Variants in JAZF1 observed in about 807,000 individuals in gnomAD.
JAZF1 encodes the protein JAZF zinc finger 1.
In JAZF1, 8 loss-of-function variants were observed where a neutral mutation model predicts 26.4. The ratio of observed to expected loss-of-function variants is 0.30; its 90% CI spans 0.18 to 0.55. The LOEUF (loss-of-function observed/expected upper bound fraction) is 0.55. Ranked by LOEUF, JAZF1 falls within the 20% of genes least tolerant of loss-of-function variation. The pLI is 0.94. For missense variants in JAZF1, 199 were observed against 322.0 expected, an observed-to-expected ratio of 0.62 and a Z score of 2.92; for synonymous variants, 126 against 122.3, an observed-to-expected ratio of 1.03 and a Z score of -0.20.
chr7:27,978,722 C>T (rs1437790500), intron 2 of JAZF1, among the ~76,000 whole-genome samples: 1 of 152,106 alleles, frequency 6.6e-6, no homozygotes, highest in African/African-American at 2.4e-5. Flanking sequence ...TATATTACTC[C>T]TCTTGGAGAC....
At chr7:28,071,924 C>G (rs911800992) in intron 1 of JAZF1, among the ~76,000 whole-genome samples, 57 of 152,300 alleles carry the variant, frequency 3.7e-4, no homozygotes, top group African/African-American at 1.3e-3. Context: ...CAAAAGAGCT[C>G]ATTTTAACTT....
At chr7:27,946,475 GA>G (rs1280786918) in intron 2 of JAZF1, among the ~76,000 whole-genome samples, 5 of 152,236 alleles carry the variant, frequency 3.3e-5, no homozygotes, top group East Asian at 3.9e-4. Flanking sequence ...AATTCTCCTG[GA>G]AAAAACATCC....
chr7:28,091,838 C>T (rs894599502), intron 1 of JAZF1, among the ~76,000 whole-genome samples: 5 of 151,952 alleles, frequency 3.3e-5, no homozygotes, highest in Admixed American at 3.3e-4. Flanking sequence ...GATGATGGGT[C>T]CTTGAATCCT....
intron 1 of JAZF1, among the ~76,000 whole-genome samples, chr7:28,012,321 G>C (rs558724355): frequency 6.6e-6 from 1 of 152,252 alleles, no homozygotes; most frequent in East Asian, 1.9e-4. Flanking sequence ...CATGGTAACA[G>C]GGCACAGCAA....
At chr7:28,039,354 G>C (rs1783350360) in intron 1 of JAZF1, among the ~76,000 whole-genome samples, 1 of 152,168 alleles carries the variant, frequency 6.6e-6, no homozygotes, top group Non-Finnish European at 1.5e-5. Flanking sequence ...TGAGGTTCAG[G>C]AAGTGACAGA....
intron 1 of JAZF1, among the ~76,000 whole-genome samples, chr7:28,008,257 C>T (rs1194183415): frequency 6.6e-6 from 1 of 151,950 alleles, no homozygotes; most frequent in Non-Finnish European, 1.5e-5. Context: ...GTGTCTGTTG[C>T]CCCGGCTGCA....
chr7:27,849,410 C>T (rs1783088668), intron 3 of JAZF1, among the ~76,000 whole-genome samples: 1 of 152,150 alleles, frequency 6.6e-6, no homozygotes, highest in African/African-American at 2.4e-5. Flanking sequence ...AAATGGTGTT[C>T]GCTAATGTTA....
At chr7:28,125,128 A>G (rs1213543102) in intron 1 of JAZF1, among the ~76,000 whole-genome samples, 2 of 146,024 alleles carry the variant, frequency 1.4e-5, no homozygotes, top group East Asian at 2.0e-4. Flanking sequence ...AGGTGCAATT[A>G]TGGAACAGGG....
At chr7:27,883,678 T>G (rs937380444) in intron 3 of JAZF1, among the ~76,000 whole-genome samples, 7 of 152,184 alleles carry the variant, frequency 4.6e-5, no homozygotes, top group African/African-American at 1.7e-4. Flanking sequence ...GAAGCACTCT[T>G]TATCTCATGG....
chr7:28,010,764 G>A (rs913401951), intron 1 of JAZF1, among the ~76,000 whole-genome samples: 2 of 152,244 alleles, frequency 1.3e-5, no homozygotes, highest in African/African-American at 2.4e-5. Flanking sequence ...TTTAGCACAA[G>A]GGCTGGTAAA....
chr7:28,101,269 T>C (rs561542132), intron 1 of JAZF1, among the ~76,000 whole-genome samples: 1 of 152,316 alleles, frequency 6.6e-6, no homozygotes, highest in South Asian at 2.1e-4. Context: ...TTTTCAATGT[T>C]TTAGCTCTTG....
chr7:27,844,292 T>G (rs948291102), intron 3 of JAZF1: 1 of 152,272 alleles, frequency 6.6e-6, no homozygotes, highest in Non-Finnish European at 1.5e-5. Flanking sequence ...TGGGCCAGCC[T>G]CTGTCCTCTG....
chr7:28,069,379 G>A (rs1783934793), intron 1 of JAZF1, among the ~76,000 whole-genome samples: 1 of 152,182 alleles, frequency 6.6e-6, no homozygotes, highest in South Asian at 2.1e-4. Context: ...TGGGGATTTT[G>A]CCTTGTTCTA....
intron 1 of JAZF1, among the ~76,000 whole-genome samples, chr7:28,062,018 AT>A (rs1388268830): frequency 3.9e-5 from 6 of 152,174 alleles, no homozygotes; most frequent in Admixed American, 2.6e-4. Context: ...AAACCACAGA[AT>A]TTTTTACTGA....
In JAZF1 at chr7:28,168,175, G is replaced by A. The variant is rs1166238683; in HGVS notation, c.115+12288C>T. ...AGGCGGGTGGATCATGAGGTCAGGA[G>A]ATCGAGACCATCCTGGCTAACATGG... On this transcript the variant is annotated intron_variant, in intron 1 of 4. Coordinates refer to ENST00000283928, the MANE Select transcript of JAZF1 (RefSeq NM_175061.4). 2.0e-5 allele frequency among the ~76,000 whole-genome samples: 3 copies of A among 152,100 alleles called. No individual in the cohort carries two copies. The East Asian group carries it at 5.8e-4, about 29-fold the overall frequency.
intron 1 of JAZF1, among the ~76,000 whole-genome samples, chr7:28,160,316 C>G (rs1165817256): frequency 1.3e-5 from 2 of 152,190 alleles, no homozygotes; most frequent in Non-Finnish European, 2.9e-5. Flanking sequence ...TCTCTCCCCT[C>G]ACCCTGTTCT....
chr7:27,899,784 C>T (rs1784137718), intron 2 of JAZF1, among the ~76,000 whole-genome samples: 1 of 152,196 alleles, frequency 6.6e-6, no homozygotes, highest in African/African-American at 2.4e-5. Flanking sequence ...GGTCCAGCCC[C>T]CTCATTTGTT....
chr7:27,921,239 C>G (rs1206881052), intron 2 of JAZF1, among the ~76,000 whole-genome samples: 1 of 152,094 alleles, frequency 6.6e-6, no homozygotes, highest in African/African-American at 2.4e-5. Context: ...AGGGCTTTGC[C>G]CACAATTCCT....
intron 2 of JAZF1, among the ~76,000 whole-genome samples, chr7:27,977,380 C>T (rs1230005100): frequency 6.6e-6 from 1 of 152,162 alleles, no homozygotes; most frequent in Non-Finnish European, 1.5e-5. Flanking sequence ...TCTGTCTCCT[C>T]TGACAATCTT....
Sources: allele counts gnomAD v4.1 joint callset (sites outside exome capture counted in the v4.1 genomes callset), GRCh38; gene constraint gnomAD v4.1.1; transcripts MANE v1.5; gene names NCBI Gene and HGNC (gene_info 2026-07-23, HGNC 2026-07-21).